The following SIGIRR variants were observed in gnomAD, a reference collection of about 807,000 sequenced individuals.
SIGIRR encodes the protein single Ig and TIR domain containing.
Under a neutral mutation model 45.6 loss-of-function variants are expected in SIGIRR, and 41 were observed. That is an observed-to-expected ratio of 0.90 (90% confidence interval 0.70 to 1.17). SIGIRR has a LOEUF of 1.17. SIGIRR is among the 50% of genes most tolerant of loss of function. The probability of loss-of-function intolerance (pLI) is 0.00; values close to 1 mark genes in which losing one functional copy is unlikely to be tolerated. For missense variants in SIGIRR, 599 were observed against 539.6 expected (o/e 1.11, Z -1.09); for synonymous variants, 298 against 239.0 (o/e 1.25, Z -2.28).
intron 2 of SIGIRR, 104 bp from the exon 3 acceptor site, chr11:408,997 G>C (rs1847475259): frequency 9.7e-7 from 1 of 1,033,424 alleles, no homozygotes; most frequent in African/African-American, 1.6e-5. Context: ...TGTGTGGCTT[G>C]GCAGTCACAC....
rs747625612 is a variant in SIGIRR at position 407,944 on chromosome 11, G to A, written c.354C>T (p.His118=). The change falls in exon 5 of 10, where the codon CAC becomes CAT. Residue 118 remains histidine, a synonymous_variant. Transcript: ENST00000431843. ...GGAGGGAGGCCAGCACCGCAGCCACGTGGCTTGTAGGGCCTGCGGATGGGT... is the reference window on the plus strand; with the variant it reads ...GGAGGGAGGCCAGCACCGCAGCCACATGGCTTGTAGGGCCTGCGGATGGGT... ...FTLQRAGPTS[H]VAAVLASLLV... 2 of 1,608,974 alleles carry A rather than the reference G, an allele frequency of 1.2e-6. No individual in the cohort carries two copies. The highest frequency in any genetic ancestry group is 1.7e-5 in the Admixed American group (1 of 59,680).
intron 4 of SIGIRR, 41 bp from the exon 5 acceptor site, chr11:407,998 C>A: frequency 6.2e-7 from 1 of 1,603,380 alleles, no homozygotes; most frequent in South Asian, 1.1e-5. Context: ...TCCAGCAGCC[C>A]CCAAGCCTCA....
At position 413,721 on chromosome 11, in the gene SIGIRR, C is replaced by T. The variant is rs556071632; in HGVS notation, c.-154+1102G>A. Among the ~76,000 whole-genome samples the T allele has an allele frequency of 1.4e-4, 20 of 144,974 alleles. No individual in the cohort carries two copies. The East Asian group carries it at 4.2e-3, about 30-fold the overall frequency. ...CAAACCCTCCCCTGCACCCTCTTCC[C>T]GCACCCTCTCCCCTGCTCCCTCTCC... On this transcript the variant is annotated intron_variant, in intron 1 of 9. Transcript: ENST00000431843.
chr11:407,589 C>A (rs779645641), intron 5 of SIGIRR, 21 bp from the exon 6 acceptor site: 9 of 1,602,452 alleles, frequency 5.6e-6, no homozygotes, highest in Non-Finnish European at 7.7e-6. Context: ...CGGCCAGTCA[C>A]CCCGATGGCT....
At chr11:412,377 C>T (rs1336206245) in intron 1 of SIGIRR, among the ~76,000 whole-genome samples, 1 of 47,176 alleles carries the variant, frequency 2.1e-5, no homozygotes, top group African/African-American at 9.4e-5. Flanking sequence ...AGGGGGGTGC[C>T]CAGCTCTGAC....
chr11:408,124 TG>T lies in SIGIRR; in HGVS notation c.288del (p.Phe96LeufsTer64), dbSNP rs1299949902. On this transcript the variant is annotated frameshift_variant, in exon 4 of 10. Transcript: ENST00000431843. LOFTEE classifies it high-confidence loss of function. ...NVTSTEVYGA[F>X]TCSIQNISFS... ...AAGCTGATGTTCTGGATGGAGCAGG[TG>T]AAGGCCCCATAGACTTCAGTGCTGG... is the stretch of plus-strand genomic sequence containing the variant. 1 of 1,612,778 alleles carries T rather than the reference TG, an allele frequency of 6.2e-7. No individual in the cohort carries two copies. Among genetic ancestry groups the T allele is most frequent in the Admixed American group, 1.7e-5 (1 of 60,018 alleles).
chr11:406,718 C>A (rs1847324521), intron 8 of SIGIRR, 125 bp downstream of exon 8: 11 of 1,417,730 alleles, frequency 7.8e-6, no homozygotes, highest in Non-Finnish European at 1.0e-5. Context: ...GGAACCTCCC[C>A]CCAGGGCCCA....
intron 2 of SIGIRR, chr11:409,264 G>T: frequency 2.4e-6 from 1 of 420,466 alleles, no homozygotes; most frequent in Non-Finnish European, 4.6e-6. Context: ...CATAGGAGGG[G>T]CCGGGCACTG....
Position 407,116 on chromosome 11 carries a change from AT to A in SIGIRR, c.673del (p.Ile225SerfsTer9). On this transcript the variant is annotated frameshift_variant, in exon 7 of 10. Coordinates refer to ENST00000431843, the MANE Select transcript of SIGIRR (RefSeq NM_001135054.2). LOFTEE classifies it high-confidence loss of function. The stretch of plus-strand genomic sequence containing the variant: ...CAGGAAGGCGTCCGAAAGCACCACG[AT>A]GAGGCGTCGGCAGCGGCTCAGGTTC... The part of the protein sequence containing the change: ...LVNLSRCRRL[I>X]VVLSDAFLSR... 8 of 1,526,554 alleles carry A rather than the reference AT, an allele frequency of 5.2e-6. No individual in the cohort carries two copies. In the Admixed American group the frequency reaches 7.7e-5, roughly 15 times the overall value. The allele number at this position is 1,526,554 out of a possible 1,614,324, so 94.6% of individuals were successfully genotyped here. A position where few individuals can be genotyped will look rare whatever the true frequency, so the allele number is the denominator to read the frequency against.
chr11:408,301 T>A lies in SIGIRR; in HGVS notation c.207-95A>T, dbSNP rs989491790. The A allele has an allele frequency of 3.3e-6, 5 of 1,504,408 alleles. No individual in the cohort carries two copies. In the African/African-American group the frequency reaches 5.6e-5, roughly 17 times the overall value. The allele number at this position is 1,504,408 out of a possible 1,614,324, so 93.2% of individuals were successfully genotyped here. A position where few individuals can be genotyped will look rare whatever the true frequency, so the allele number is the denominator to read the frequency against. ...GGGTTCACCCAGGGAGGCTGCAGAA[T>A]TGGGCCTCCTGGGTGGTTCTTGGGC... On this transcript the variant is annotated intron_variant, in intron 3 of 9. Coordinates refer to ENST00000431843, the MANE Select transcript of SIGIRR (RefSeq NM_001135054.2).
rs761648056 is a variant in SIGIRR, at chr11:406,356, G to A, written c.1062C>T (p.Gly354=). 3 of 1,612,362 alleles carry A rather than the reference G, an allele frequency of 1.9e-6. No individual in the cohort carries two copies. Among genetic ancestry groups the A allele is most frequent in the Non-Finnish European group, 2.5e-6 (3 of 1,179,736 alleles). ...LDSEVDPDPE[G]DLGVRGPVFG... is the part of the protein sequence containing the mutation. ...GGGGCTGGGCGGGCATACCCAGGTC[G>A]CCCTCAGGGTCCGGGTCCACCTCTG... Residue 354 remains glycine (G), a synonymous_variant, in exon 9 of 10, where the codon GGC becomes GGT. Coordinates refer to ENST00000431843, the MANE Select transcript of SIGIRR (RefSeq NM_001135054.2).
chr11:408,487 T>C (rs1237363041), intron 3 of SIGIRR, among the ~76,000 whole-genome samples: 4 of 152,162 alleles, frequency 2.6e-5, no homozygotes, highest in Admixed American at 2.0e-4. Context: ...CCCGTAGCCC[T>C]GGGCAGTTAC....
In SIGIRR at chr11:408,736, T is replaced by A. The variant is rs1590376688; in HGVS notation, c.165A>T (p.Pro55=). ...GGCTGTAGTGGCCCCCAATTCCCAA[T>A]GGAAGCCCGTCTTTCAGCCACTGGA... ...PSVQWLKDGL[P]LGIGGHYSLH... Residue 55 remains proline, a synonymous_variant, in exon 3 of 10, where the codon CCA becomes CCT. Coordinates refer to ENST00000431843, the MANE Select transcript of SIGIRR (RefSeq NM_001135054.2). The A allele has an allele frequency of 6.2e-7, 1 of 1,612,524 alleles. No individual in the cohort carries two copies. Among genetic ancestry groups the A allele is most frequent in the African/African-American group, 1.3e-5 (1 of 74,862 alleles).
At chr11:406,761 G>T (rs1357886192) in intron 8 of SIGIRR, 82 bp downstream of exon 8, 2 of 1,439,880 alleles carry the variant, frequency 1.4e-6, no homozygotes, top group African/African-American at 2.9e-5. Flanking sequence ...AGCTCCCCAC[G>T]GAGGGGTCCC....
intron 8 of SIGIRR, 107 bp from the exon 9 acceptor site, chr11:406,645 G>T: frequency 6.9e-7 from 1 of 1,442,076 alleles, no homozygotes; most frequent in South Asian, 1.4e-5. Flanking sequence ...CACGCCCTGC[G>T]ACAGCTATTC....
chr11:407,078 A>T lies in SIGIRR; in HGVS notation c.712T>A (p.Cys238Ser). ...GGGACCCACCGGAAGCTGTGGCTGC[A>T]CCAGGCCCGGCTCAGGAAGGCGTCC... The part of the protein sequence containing the change: ...LSDAFLSRAW[C>S]SHSFREGLCR... The change falls in exon 7 of 10, where the codon TGC becomes AGC. Residue 238 changes from cysteine to serine, a missense_variant. By Grantham distance (112) the Cys-to-Ser change is moderately radical. Coordinates refer to ENST00000431843, the MANE Select transcript of SIGIRR (RefSeq NM_001135054.2). 6.4e-7 allele frequency: 1 copy of T among 1,556,240 alleles called. No individual in the cohort carries two copies. The highest frequency in any genetic ancestry group is 1.2e-5 in the South Asian group (1 of 83,624).
In SIGIRR at chr11:407,115, G is replaced by GCAT; in HGVS notation, c.674_675insATG (p.Ile225_Val226insCys). ...TCAGGAAGGCGTCCGAAAGCACCAC[G>GCAT]ATGAGGCGTCGGCAGCGGCTCAGGT... On this transcript the variant is annotated inframe_insertion, in exon 7 of 10. Transcript: ENST00000431843. The GCAT allele has an allele frequency of 6.5e-7, 1 of 1,544,496 alleles. No homozygotes were observed. Among genetic ancestry groups the GCAT allele is most frequent in the Non-Finnish European group, 8.7e-7 (1 of 1,151,182 alleles).
At chr11:408,569 C>G in intron 3 of SIGIRR, 126 bp downstream of exon 3, 1 of 1,149,322 alleles carries the variant, frequency 8.7e-7, no homozygotes, top group Admixed American at 1.7e-5. Context: ...CCGTCTGGGT[C>G]CACAGAGGCA....
In SIGIRR at chr11:405,867, C is replaced by G. The variant is rs371863632; in HGVS notation, c.*29G>C. The G allele has an allele frequency of 1.3e-6, 2 of 1,566,116 alleles. No homozygotes were observed. Among genetic ancestry groups the G allele is most frequent in the African/African-American group, 1.4e-5 (1 of 73,930 alleles). On this transcript the variant is annotated 3_prime_UTR_variant, in exon 10 of 10. Coordinates refer to ENST00000431843, the MANE Select transcript of SIGIRR (RefSeq NM_001135054.2). ...ACGCCGCTGCCCTGGCCCCCGCTGT[C>G]CCTATGATCCTGCACTCTGGGGTGG...
Sources: gnomAD v4.1 joint callset for allele counts (sites outside exome capture counted in the v4.1 genomes callset) on GRCh38, gnomAD v4.1.1 for gene constraint, MANE v1.5 for transcripts, NCBI Gene and HGNC (gene_info 2026-07-23, HGNC 2026-07-21) for gene names.